USP53: variants seen among roughly 807,000 people sequenced by gnomAD.
USP53 encodes the protein ubiquitin carboxyl-terminal hydrolase 53.
Under a neutral mutation model 94.9 loss-of-function variants are expected in USP53, and 71 were observed. The ratio of observed to expected loss-of-function variants is 0.75; its 90% CI spans 0.62 to 0.91. The LOEUF (loss-of-function observed/expected upper bound fraction) is 0.91. Among genes scored for constraint, USP53 ranks in the 40% least tolerant of loss-of-function variants. The pLI is 0.00. For synonymous variants in USP53, 375 were observed against 422.7 expected (o/e 0.89, Z 1.39); for missense variants, 1,173 against 1,281.0 (o/e 0.92, Z 1.29).
intron 17 of USP53, among the ~76,000 whole-genome samples, chr4:119,279,754 T>C (rs1021595674): frequency 1.4e-4 from 22 of 152,282 alleles, no homozygotes; most frequent in East Asian, 5.8e-4. Flanking sequence ...GTCAGCGAGA[T>C]TCCATGGGCG....
chr4:119,271,920 G>C lies in USP53; in HGVS notation c.2060G>C (p.Gly687Ala). The change falls in exon 16 of 19, where the codon GGA (glycine) becomes GCA (alanine). Residue 687 changes from glycine to alanine, a missense_variant. By Grantham distance (60) the Gly-to-Ala change is moderately conservative. Transcript: ENST00000692078. ...TGGCAGATGCAAAGGACTGAGTCTG[G>C]ATATGAAAGCAGTGATCACATCAGT... is the stretch of plus-strand genomic sequence containing the variant. ...DNWQMQRTES[G>A]YESSDHISNG... The C allele has an allele frequency of 6.2e-7, 1 of 1,614,150 alleles. No individual in the cohort carries two copies. Among genetic ancestry groups the C allele is most frequent in the East Asian group, 2.2e-5 (1 of 44,866 alleles).
chr4:119,222,927 C>G (rs1744744747), intron 3 of USP53, among the ~76,000 whole-genome samples: 1 of 152,066 alleles, frequency 6.6e-6, no homozygotes, highest in Admixed American at 6.5e-5. Flanking sequence ...TAAATCATTT[C>G]AATCACTTTA....
chr4:119,231,323 G>T (rs925767131), intron 3 of USP53, among the ~76,000 whole-genome samples: 1 of 152,084 alleles, frequency 6.6e-6, no homozygotes, highest in Non-Finnish European at 1.5e-5. Context: ...CAATAAAAAT[G>T]TACTTTTATT....
At position 119,260,630 on chromosome 4, in the gene USP53, GCAACACAT is replaced by G; in HGVS notation, c.801_808del (p.Thr268LeufsTer8). Reference sequence around the variant, plus strand: ...GACCGAAGCTGTTGTTCGGAATCTAGCAACACATCTTTATCTTCCTGGGGTATCTTATC... The same window carrying G: ...GACCGAAGCTGTTGTTCGGAATCTAGCTTTATCTTCCTGGGGTATCTTATC... On this transcript the variant is annotated frameshift_variant, in exon 11 of 19. Coordinates refer to ENST00000692078, the MANE Select transcript of USP53 (RefSeq NM_001371395.1). LOFTEE classifies it high-confidence loss of function. 1 of 1,613,518 alleles carries G rather than the reference GCAACACAT, an allele frequency of 6.2e-7. No individual in the cohort carries two copies. Among genetic ancestry groups the G allele is most frequent in the Non-Finnish European group, 8.5e-7 (1 of 1,179,656 alleles).
chr4:119,255,484 G>T (rs1578488193), intron 7 of USP53, among the ~76,000 whole-genome samples: 1 of 152,122 alleles, frequency 6.6e-6, no homozygotes, highest in Non-Finnish European at 1.5e-5. Context: ...CCAACCTCCC[G>T]CATCCCAGGT....
chr4:119,265,670 A>AAACAACAACAAC lies in USP53; in HGVS notation c.973-1632_973-1621dup, dbSNP rs56113456. Among the ~76,000 whole-genome samples the AAACAACAACAAC allele has an allele frequency of 8.4e-3, 1,264 of 150,516 alleles. 8 individuals carry two copies. Among genetic ancestry groups the AAACAACAACAAC allele is most frequent in the Middle Eastern group, 0.02 (6 of 294 alleles). On this transcript the variant is annotated intron_variant, in intron 12 of 18. Transcript: ENST00000692078. ...TGGGCGACTGTGAGACCTTTTCTCAAAACAACAACAACAACAACAACAACA... is the reference window on the plus strand; with the variant it reads ...TGGGCGACTGTGAGACCTTTTCTCAAAACAACAACAACAACAACAACAACAACAACAACAACA...
At chr4:119,216,642 T>C (rs1743804244) in intron 2 of USP53, among the ~76,000 whole-genome samples, 1 of 152,210 alleles carries the variant, frequency 6.6e-6, no homozygotes, top group South Asian at 2.1e-4. Context: ...TTTTATAAAT[T>C]AGGTTTTTCA....
chr4:119,282,528 CTTTA>C lies in USP53; in HGVS notation c.2252-8632_2252-8629del, dbSNP rs548074355. Among the ~76,000 whole-genome samples the C allele has an allele frequency of 4.2e-3, 638 of 152,116 alleles. 5 individuals carry two copies. Among genetic ancestry groups the C allele is most frequent in the Non-Finnish European group, 5.3e-3 (363 of 67,908 alleles). On this transcript the variant is annotated intron_variant, in intron 17 of 18. Coordinates refer to ENST00000692078, the MANE Select transcript of USP53 (RefSeq NM_001371395.1). ...ATATTGTGGTTTTGTGTAACCCACT[CTTTA>C]TTTAACTAAATAAATTATACTATTT...
Position 119,248,642 on chromosome 4 carries a change from A to G in USP53, c.238-106A>G, listed in dbSNP as rs972138427. ...AAATTTTAGAGCAAAAGACTTCTGT[A>G]TTATTTTCCAAGTATAGTGTTTTGA... On this transcript the variant is annotated intron_variant, in intron 6 of 18. Transcript: ENST00000692078. 1.3e-5 allele frequency: 18 copies of G among 1,357,942 alleles called. No individual in the cohort carries two copies. In the East Asian group the frequency reaches 3.9e-4, roughly 30 times the overall value. The allele number at this position is 1,357,942 out of a possible 1,614,324, so 84.1% of individuals were successfully genotyped here. A position where few individuals can be genotyped will look rare whatever the true frequency, so the allele number is the denominator to read the frequency against.
intron 15 of USP53, among the ~76,000 whole-genome samples, chr4:119,270,879 C>G (rs1267388697): frequency 6.6e-6 from 1 of 152,052 alleles, no homozygotes; most frequent in Non-Finnish European, 1.5e-5. Context: ...CTCAGTTGCC[C>G]TCTTGAAAGA....
chr4:119,224,465 G>T (rs1335699458), intron 3 of USP53, among the ~76,000 whole-genome samples: 1 of 152,222 alleles, frequency 6.6e-6, no homozygotes, highest in Non-Finnish European at 1.5e-5. Context: ...TTCTTAGCAT[G>T]TATGAGGTTT....
intron 12 of USP53, among the ~76,000 whole-genome samples, chr4:119,266,041 C>T (rs1326108505): frequency 6.6e-6 from 1 of 152,182 alleles, no homozygotes; most frequent in African/African-American, 2.4e-5. Context: ...ACTCCCCACA[C>T]CACCCCAGGA....
intron 9 of USP53, 49 bp from the exon 10 acceptor site, chr4:119,259,771 A>T: frequency 6.9e-7 from 1 of 1,444,928 alleles, no homozygotes; most frequent in South Asian, 1.2e-5. Flanking sequence ...GTAATTTATT[A>T]AAGTTTTAAG....
intron 9 of USP53, among the ~76,000 whole-genome samples, chr4:119,257,140 A>C (rs185754239): frequency 6.6e-6 from 1 of 152,302 alleles, no homozygotes; most frequent in Non-Finnish European, 1.5e-5. Flanking sequence ...GGTATTTGAA[A>C]GTATAAATAT....
chr4:119,248,218 T>C (rs1748506482), intron 6 of USP53, among the ~76,000 whole-genome samples: 1 of 135,540 alleles, frequency 7.4e-6, no homozygotes, highest in Non-Finnish European at 1.5e-5. Flanking sequence ...AACTGAATGA[T>C]GTTTCCAGTT....
At chr4:119,259,710 G>T in intron 9 of USP53, 110 bp from the exon 10 acceptor site, 1 of 690,400 alleles carries the variant, frequency 1.4e-6, no homozygotes, top group South Asian at 2.7e-5. Flanking sequence ...TCATGGTCAT[G>T]TTTTAGATAG....
chr4:119,226,254 A>C (rs900118877), intron 3 of USP53, among the ~76,000 whole-genome samples: 4 of 152,242 alleles, frequency 2.6e-5, no homozygotes, highest in African/African-American at 9.6e-5. Context: ...TCAGATTGGA[A>C]GCAAGATTAG....
intron 4 of USP53, 54 bp from the exon 5 acceptor site, chr4:119,239,164 A>G (rs1447726300): frequency 6.6e-6 from 1 of 152,136 alleles, no homozygotes; most frequent in African/African-American, 2.4e-5. Context: ...GGTAAAGTTA[A>G]GAATTTTCTT....
At chr4:119,287,454 T>G (rs955470283) in intron 17 of USP53, among the ~76,000 whole-genome samples, 1 of 152,102 alleles carries the variant, frequency 6.6e-6, no homozygotes, top group Admixed American at 6.5e-5. Context: ...AAATATAGAT[T>G]ATTTTTCCCC....
Sources: allele counts gnomAD v4.1 joint callset (sites outside exome capture counted in the v4.1 genomes callset), GRCh38; gene constraint gnomAD v4.1.1; transcripts MANE v1.5; gene names NCBI Gene and HGNC (gene_info 2026-07-23, HGNC 2026-07-21).